The following SUPT3H variants were observed in gnomAD, a reference collection of about 807,000 sequenced individuals.
SUPT3H encodes SPT3 homolog, SAGA and STAGA complex component.
Under a neutral mutation model 44.3 loss-of-function variants are expected in SUPT3H, and 44 were observed. The observed-to-expected ratio is 0.99, with a 90% CI of 0.78 to 1.28. The LOEUF is 1.28. Among genes scored for constraint, SUPT3H ranks in the 50% most tolerant of loss-of-function variants. The probability of loss-of-function intolerance (pLI) is 0.00; values close to 1 mark genes in which losing one functional copy is unlikely to be tolerated. For missense variants in SUPT3H, 380 were observed against 387.1 expected, an observed-to-expected ratio of 0.98 and a Z score of 0.15; for synonymous variants, 124 against 125.6, an observed-to-expected ratio of 0.99 and a Z score of 0.09.
chr6:44,896,734 T>C (rs1490620076), intron 10 of SUPT3H, among the ~76,000 whole-genome samples: 1 of 152,190 alleles, frequency 6.6e-6, no homozygotes, highest in Non-Finnish European at 1.5e-5. Context: ...ATAAAATTCC[T>C]CTAGGGTAGA....
intron 10 of SUPT3H, among the ~76,000 whole-genome samples, chr6:44,890,339 G>C (rs1218080501): frequency 2.6e-5 from 4 of 151,394 alleles, no homozygotes; most frequent in African/African-American, 9.7e-5. Flanking sequence ...ATTCACAATA[G>C]CAAAGACTTG....
chr6:45,057,773 T>C (rs1791359644), intron 3 of SUPT3H, among the ~76,000 whole-genome samples: 1 of 152,124 alleles, frequency 6.6e-6, no homozygotes, highest in African/African-American at 2.4e-5. Context: ...AAACCTGGAT[T>C]TGTGAAAGAC....
At chr6:45,174,189 C>G (rs949753572) in intron 2 of SUPT3H, among the ~76,000 whole-genome samples, 15 of 152,196 alleles carry the variant, frequency 9.9e-5, no homozygotes, top group African/African-American at 3.4e-4. Context: ...ACAGTGGTTA[C>G]AGTGGTTAAG....
At chr6:45,295,417 A>G (rs575358520) in intron 2 of SUPT3H, among the ~76,000 whole-genome samples, 1 of 151,490 alleles carries the variant, frequency 6.6e-6, no homozygotes, top group Non-Finnish European at 1.5e-5. Flanking sequence ...AAACCTTTCT[A>G]GACATTGGCT....
At chr6:45,259,091 A>C (rs556799015) in intron 2 of SUPT3H, among the ~76,000 whole-genome samples, 24 of 152,256 alleles carry the variant, frequency 1.6e-4, no homozygotes. Flanking sequence ...ATAATTTTAT[A>C]CTTGTAAATT....
chr6:44,944,725 G>A (rs13211229), intron 9 of SUPT3H, among the ~76,000 whole-genome samples: 47,015 of 126,988 alleles, frequency 0.37, 8,669 homozygotes, highest in Middle Eastern at 0.5. Flanking sequence ...TCATGCTACT[G>A]TACTCCAGCC....
intron 5 of SUPT3H, among the ~76,000 whole-genome samples, chr6:45,004,476 T>A (rs1057010964): frequency 6.6e-6 from 1 of 151,962 alleles, no homozygotes; most frequent in Non-Finnish European, 1.5e-5. Context: ...TAAGAATCTA[T>A]ATTATCATCT....
intron 10 of SUPT3H, among the ~76,000 whole-genome samples, chr6:44,833,188 C>G (rs1218013700): frequency 6.6e-6 from 1 of 152,138 alleles, no homozygotes; most frequent in Non-Finnish European, 1.5e-5. Flanking sequence ...CTTAAATAAA[C>G]TAGCATAAGA....
chr6:45,342,811 T>G (rs1197660023), intron 2 of SUPT3H, among the ~76,000 whole-genome samples: 4 of 152,206 alleles, frequency 2.6e-5, no homozygotes, highest in African/African-American at 9.7e-5. Flanking sequence ...GTTTTTAATT[T>G]TTCATGCTCA....
intron 2 of SUPT3H, among the ~76,000 whole-genome samples, chr6:45,307,952 G>A (rs868494164): frequency 1.3e-4 from 20 of 152,184 alleles, no homozygotes; most frequent in Admixed American, 1.2e-3. Context: ...CGAGAACTAC[G>A]TGACAAATGC....
At position 44,879,629 on chromosome 6, in the gene SUPT3H, T is replaced by C. The variant is rs144564661; in HGVS notation, c.913-49772A>G. Among the ~76,000 whole-genome samples the C allele has an allele frequency of 2.6e-3, 391 of 149,120 alleles. 3 individuals carry two copies. Among genetic ancestry groups the C allele is most frequent in the African/African-American group, 8.6e-3 (357 of 41,368 alleles). On this transcript the variant is annotated intron_variant, in intron 10 of 10. Coordinates refer to ENST00000371459, the MANE Select transcript of SUPT3H (RefSeq NM_003599.4). ...GGCCCTGACCCCCATGCCTCCTGAC[T>C]TGGAGACAACTCCCAGTAGGGGCTG...
intron 2 of SUPT3H, among the ~76,000 whole-genome samples, chr6:45,246,704 C>G (rs1014072567): frequency 1.3e-5 from 2 of 152,080 alleles, no homozygotes; most frequent in African/African-American, 2.4e-5. Context: ...CCCAAGTAAT[C>G]AGAAATTGTA....
intron 2 of SUPT3H, among the ~76,000 whole-genome samples, chr6:45,335,695 C>T (rs1788403421): frequency 6.6e-6 from 1 of 151,210 alleles, no homozygotes; most frequent in Non-Finnish European, 1.5e-5. Context: ...GCATTTCATA[C>T]TAAGAACCTA....
intron 2 of SUPT3H, among the ~76,000 whole-genome samples, chr6:45,324,855 G>A (rs916732766): frequency 2.6e-5 from 4 of 151,926 alleles, no homozygotes; most frequent in South Asian, 4.1e-4. Context: ...GTATACATAC[G>A]CAATAAGACA....
intron 10 of SUPT3H, among the ~76,000 whole-genome samples, chr6:44,900,889 G>A (rs533852149): frequency 1.1e-4 from 16 of 152,266 alleles, no homozygotes; most frequent in South Asian, 4.2e-4. Context: ...TGCAGCCTCC[G>A]CTTTTGATAC....
chr6:45,220,794 C>A (rs1285831589), intron 2 of SUPT3H, among the ~76,000 whole-genome samples: 1 of 152,106 alleles, frequency 6.6e-6, no homozygotes, highest in Non-Finnish European at 1.5e-5. Context: ...GGGAGTTCAA[C>A]CATTGTGGAA....
chr6:45,192,050 T>A (rs565048107), intron 2 of SUPT3H, among the ~76,000 whole-genome samples: 1 of 152,250 alleles, frequency 6.6e-6, no homozygotes, highest in African/African-American at 2.4e-5. Context: ...AAGGGCAACA[T>A]TAGTTCACTG....
chr6:45,352,751 T>C, intron 2 of SUPT3H, among the ~76,000 whole-genome samples: 2 of 148,134 alleles, frequency 1.4e-5, no homozygotes, highest in Admixed American at 1.4e-4. Context: ...ATCACTTAGA[T>C]CATGTATTTA....
At position 45,158,296 on chromosome 6, in the gene SUPT3H, A is replaced by ATTTTT. The variant is rs1489076667; in HGVS notation, c.102-52291_102-52290insAAAAA. Among the ~76,000 whole-genome samples, 101 of 72,012 alleles carry ATTTTT rather than the reference A, an allele frequency of 1.4e-3. 5 individuals carry two copies. The highest frequency in any genetic ancestry group is 2.8e-3 in the South Asian group (7 of 2,498). 47.2% of individuals were successfully genotyped at this position (72,012 alleles called of 152,430 possible). A position where few individuals can be genotyped will look rare whatever the true frequency, so the allele number is the denominator to read the frequency against. On this transcript the variant is annotated intron_variant, in intron 2 of 10. Coordinates refer to ENST00000371459, the MANE Select transcript of SUPT3H (RefSeq NM_003599.4). ...TATACATATATATATATATATATAT[A>ATTTTT]TATTTTTTTTTTTTTTTTTTTGAGA...
Sources: gnomAD v4.1 joint callset for allele counts (sites outside exome capture counted in the v4.1 genomes callset) on GRCh38, gnomAD v4.1.1 for gene constraint, MANE v1.5 for transcripts, NCBI Gene and HGNC (gene_info 2026-07-23, HGNC 2026-07-21) for gene names.